The following HMGCS2 variants were observed in gnomAD, a reference collection of about 807,000 sequenced individuals.
HMGCS2 encodes hydroxymethylglutaryl-CoA synthase, mitochondrial.
In HMGCS2, 50 loss-of-function variants were observed where a neutral mutation model predicts 57.4. That is an observed-to-expected ratio of 0.87 (90% CI 0.69 to 1.10). The LOEUF is 1.10. Among genes scored for constraint, HMGCS2 ranks in the 50% least tolerant of loss-of-function variants. The pLI, the probability that HMGCS2 is intolerant of heterozygous loss-of-function variation, is 0.00. For synonymous variants in HMGCS2, 254 were observed against 245.1 expected (o/e 1.04, Z -0.34); for missense variants, 627 against 636.5 (o/e 0.99, Z 0.16).
intron 2 of HMGCS2, among the ~76,000 whole-genome samples, chr1:119,760,574 C>T (rs1283603377): frequency 6.6e-6 from 1 of 152,196 alleles, no homozygotes; most frequent in South Asian, 2.1e-4. Context: ...TTGTGTGGCA[C>T]TACTTTCATT....
In HMGCS2 at chr1:119,768,770, A is replaced by G. The variant is rs745916413; in HGVS notation, c.75T>C (p.Pro25=). The G allele has an allele frequency of 6.2e-7, 1 of 1,613,996 alleles. No individual in the cohort carries two copies. The highest frequency in any genetic ancestry group is 1.1e-5 in the South Asian group (1 of 91,084). Residue 25 remains proline, a synonymous_variant, in exon 1 of 10, where the codon CCT becomes CCC. Coordinates refer to ENST00000369406, the MANE Select transcript of HMGCS2 (RefSeq NM_005518.4). The stretch of plus-strand genomic sequence containing the variant: ...GGTGGGCTACTGGGAGCAGGCGAGC[A>G]GGTGTGAGGGAGGTTTCCTGCACCG... ...TRAVQETSLT[P]ARLLPVAHQR...
intron 2 of HMGCS2, among the ~76,000 whole-genome samples, chr1:119,763,138 A>C (rs587692763): frequency 2.2e-4 from 34 of 152,272 alleles, no homozygotes; most frequent in Non-Finnish European, 4.0e-4. Flanking sequence ...GCAGTTGGAA[A>C]AGCCTGGAAT....
At chr1:119,759,025 G>C (rs1652943432) in intron 4 of HMGCS2, 93 bp downstream of exon 4, 2 of 1,205,804 alleles carry the variant, frequency 1.7e-6, no homozygotes, top group Non-Finnish European at 2.5e-6. Flanking sequence ...TTATTTTCAA[G>C]GCAGGAGAGA....
intron 2 of HMGCS2, among the ~76,000 whole-genome samples, chr1:119,763,647 T>C (rs993718992): frequency 6.6e-6 from 1 of 152,182 alleles, no homozygotes; most frequent in African/African-American, 2.4e-5. Context: ...GTTAATATGT[T>C]AAGCAAAAAG....
rs1251813781 is a variant in HMGCS2 at position 119,752,551 on chromosome 1, T to C, written c.1418A>G (p.Lys473Arg). 6.2e-7 allele frequency: 1 copy of C among 1,613,814 alleles called. No homozygotes were observed. The highest frequency in any genetic ancestry group is 8.5e-7 in the Non-Finnish European group (1 of 1,179,876). ...IMNQREQFYH[K>R]VNFSPPGDTN... Reference sequence around the variant, plus strand: ...TCTCTTCCTGACTTTTTTCTTACCCTTATGGTAGAATTGCTCTCTTTGGTT... The same window carrying C: ...TCTCTTCCTGACTTTTTTCTTACCCCTATGGTAGAATTGCTCTCTTTGGTT... The change falls in exon 8 of 10, where the codon AAG (lysine) becomes AGG (arginine). Residue 473 changes from lysine (K) to arginine (R), a missense_variant and splice_region_variant. Physicochemically the swap from Lys to Arg is conservative, Grantham distance 26 (BLOSUM62 2). Transcript: ENST00000369406.
chr1:119,759,061 A>C, intron 4 of HMGCS2, 57 bp downstream of exon 4: 1 of 1,558,156 alleles, frequency 6.4e-7, no homozygotes, highest in Non-Finnish European at 8.9e-7. Flanking sequence ...GCCTTTGGGT[A>C]CAAACCCTTG....
rs587755499 is a variant in HMGCS2 at position 119,759,641 on chromosome 1, G to A, written c.685+223C>T. Among the ~76,000 whole-genome samples, 8 of 152,198 alleles carry A rather than the reference G, an allele frequency of 5.3e-5. No homozygotes were observed. In the East Asian group the frequency reaches 7.7e-4, roughly 15 times the overall value. On this transcript the variant is annotated intron_variant, in intron 3 of 9. Transcript: ENST00000369406. The stretch of plus-strand genomic sequence containing the variant: ...ATCTGCACCACTCATTCCATGCATC[G>A]TTATCCCAATGCCTGATGATGCAAG...
chr1:119,755,355 T>C (rs1652797796), intron 6 of HMGCS2, 72 bp downstream of exon 6: 12 of 1,453,492 alleles, frequency 8.3e-6, no homozygotes, highest in Non-Finnish European at 1.2e-5. Context: ...CCCAACTTTG[T>C]TGACCCTGCA....
chr1:119,751,755 C>G (rs1454556740), intron 8 of HMGCS2, among the ~76,000 whole-genome samples: 1 of 152,076 alleles, frequency 6.6e-6, no homozygotes, highest in Non-Finnish European at 1.5e-5. Flanking sequence ...ATCCACTGGT[C>G]CAGAAGAGAT....
At chr1:119,759,435 G>A (rs2101262953) in intron 3 of HMGCS2, 153 bp from the exon 4 acceptor site, 1 of 756,134 alleles carries the variant, frequency 1.3e-6, no homozygotes, top group East Asian at 2.7e-5. Flanking sequence ...TATTCAAAAG[G>A]AGTTGGACAG....
chr1:119,753,145 C>T, intron 7 of HMGCS2, 135 bp downstream of exon 7: 1 of 704,368 alleles, frequency 1.4e-6, no homozygotes, highest in Admixed American at 2.1e-5. Context: ...TGCTTAAATC[C>T]CTTCAGTGAT....
chr1:119,764,667 T>C (rs749252879), intron 1 of HMGCS2, 41 bp from the exon 2 acceptor site: 2 of 1,430,326 alleles, frequency 1.4e-6, no homozygotes, highest in South Asian at 1.2e-5. Flanking sequence ...TAATGGTCTG[T>C]AGACAATTTC....
intron 8 of HMGCS2, among the ~76,000 whole-genome samples, 198 bp downstream of exon 8, chr1:119,752,351 C>T (rs1007922333): frequency 2.6e-5 from 4 of 152,150 alleles, no homozygotes; most frequent in African/African-American, 9.7e-5. Context: ...TCCTGCCTCC[C>T]TCTTCCCAAC....
intron 3 of HMGCS2, 109 bp downstream of exon 3, chr1:119,759,755 T>C: frequency 7.4e-7 from 1 of 1,356,072 alleles, no homozygotes; most frequent in Non-Finnish European, 1.1e-6. Flanking sequence ...AGCAATACCA[T>C]CCTCAAACGC....
Position 119,768,852 on chromosome 1 carries a change from G to A in HMGCS2, c.-8C>T. ...AGTCAACAGACGCTGCATCTCCAGA[G>A]GAGCAAGCAGAAACCCAGCAGTTCA... is the stretch of plus-strand genomic sequence containing the variant. On this transcript the variant is annotated 5_prime_UTR_variant, in exon 1 of 10. Transcript: ENST00000369406. The A allele has an allele frequency of 6.2e-7, 1 of 1,606,456 alleles. No individual in the cohort carries two copies. Among genetic ancestry groups the A allele is most frequent in the Non-Finnish European group, 8.5e-7 (1 of 1,173,292 alleles).
At chr1:119,753,110 A>C (rs1025871005) in intron 7 of HMGCS2, among the ~76,000 whole-genome samples, 170 bp downstream of exon 7, 1 of 152,174 alleles carries the variant, frequency 6.6e-6, no homozygotes, top group Non-Finnish European at 1.5e-5. Context: ...TGCTTTAAAC[A>C]CATAAATTAA....
chr1:119,753,505 G>C (rs912619061), intron 6 of HMGCS2, 119 bp from the exon 7 acceptor site: 4 of 685,392 alleles, frequency 5.8e-6, no homozygotes, highest in Non-Finnish European at 1.0e-5. Context: ...CTATCATCCC[G>C]ATCTTCTCCC....
chr1:119,767,936 C>A (rs1653291114), intron 1 of HMGCS2, among the ~76,000 whole-genome samples: 2 of 152,186 alleles, frequency 1.3e-5, no homozygotes, highest in Admixed American at 1.3e-4. Context: ...TTGCCTCTAC[C>A]ATGCACATCT....
chr1:119,763,344 A>G (rs912086929), intron 2 of HMGCS2, among the ~76,000 whole-genome samples: 1 of 152,240 alleles, frequency 6.6e-6, no homozygotes, highest in African/African-American at 2.4e-5. Context: ...TTTCAAACTT[A>G]GTAAATATAG....
Sources: gnomAD v4.1 joint callset for allele counts (sites outside exome capture counted in the v4.1 genomes callset) on GRCh38, gnomAD v4.1.1 for gene constraint, MANE v1.5 for transcripts, NCBI Gene and HGNC (gene_info 2026-07-23, HGNC 2026-07-21) for gene names.